The following ADAMTS17 variants were observed in gnomAD, a reference collection of about 807,000 sequenced individuals.
The protein encoded by ADAMTS17 is A disintegrin and metalloproteinase with thrombospondin motifs 17.
Under a neutral mutation model 141.5 loss-of-function variants are expected in ADAMTS17, and 113 were observed. The observed-to-expected ratio is 0.80, with a 90% confidence interval of 0.69 to 0.93. ADAMTS17 has a LOEUF of 0.93. Ranked by LOEUF, ADAMTS17 falls within the 40% of genes least tolerant of loss-of-function variation. The pLI is 0.00. For missense variants in ADAMTS17, 1,659 were observed against 1,517.9 expected, an observed-to-expected ratio of 1.09 and a Z score of -1.54; for synonymous variants, 768 against 630.6, an observed-to-expected ratio of 1.22 and a Z score of -3.27.
chr15:100,188,619 G>A (rs77843652), intron 8 of ADAMTS17, among the ~76,000 whole-genome samples: 12,098 of 152,272 alleles, frequency 0.079, 530 homozygotes, highest in East Asian at 0.12. Context: ...AGCCAAAAAT[G>A]TACCAGGTTT....
At chr15:100,009,540 G>A (rs531410731) in intron 18 of ADAMTS17, among the ~76,000 whole-genome samples, 40 of 152,272 alleles carry the variant, frequency 2.6e-4, no homozygotes, top group African/African-American at 9.4e-4. Flanking sequence ...TTCTTTGTGA[G>A]ATGTTGCTCT....
At chr15:100,099,726 T>C (rs947389398) in intron 14 of ADAMTS17, among the ~76,000 whole-genome samples, 19 of 151,822 alleles carry the variant, frequency 1.3e-4, no homozygotes, top group African/African-American at 4.6e-4. Context: ...CACGGCATAA[T>C]TAAAGGCATG....
At chr15:100,310,248 C>A (rs1282798660) in intron 3 of ADAMTS17, among the ~76,000 whole-genome samples, 1 of 152,172 alleles carries the variant, frequency 6.6e-6, no homozygotes, top group Non-Finnish European at 1.5e-5. Context: ...GCAGGAGACT[C>A]CGAACCTAAG....
intron 3 of ADAMTS17, among the ~76,000 whole-genome samples, chr15:100,285,788 G>C (rs904349168): frequency 2.6e-5 from 4 of 152,160 alleles, no homozygotes; most frequent in Non-Finnish European, 5.9e-5. Flanking sequence ...GGTTTTGCGT[G>C]GGAACAGGTA....
chr15:100,212,286 C>T (rs1180997941), intron 7 of ADAMTS17, among the ~76,000 whole-genome samples: 1 of 152,126 alleles, frequency 6.6e-6, no homozygotes, highest in African/African-American at 2.4e-5. Flanking sequence ...GAGGACTCTG[C>T]CCCCAGGGAA....
intron 18 of ADAMTS17, among the ~76,000 whole-genome samples, chr15:100,020,770 C>T (rs1237730048): frequency 3.9e-5 from 6 of 152,208 alleles, no homozygotes; most frequent in Non-Finnish European, 8.8e-5. Flanking sequence ...AGGCCCAGGG[C>T]GCCCATCCTG....
At chr15:100,176,987 T>C (rs912414739) in intron 8 of ADAMTS17, among the ~76,000 whole-genome samples, 1 of 152,260 alleles carries the variant, frequency 6.6e-6, no homozygotes, top group Non-Finnish European at 1.5e-5. Flanking sequence ...ATGATATGAC[T>C]GTACCACAGA....
intron 4 of ADAMTS17, among the ~76,000 whole-genome samples, chr15:100,279,599 T>C (rs975509488): frequency 6.6e-6 from 1 of 152,244 alleles, no homozygotes; most frequent in African/African-American, 2.4e-5. Flanking sequence ...GCACTCACTG[T>C]GGCCAGAGCT....
At chr15:100,249,383 C>A (rs2043082734) in intron 7 of ADAMTS17, among the ~76,000 whole-genome samples, 3 of 152,342 alleles carry the variant, frequency 2.0e-5, no homozygotes, top group South Asian at 4.1e-4. Context: ...CTTTGGGAAG[C>A]TTTACCCTCA....
At chr15:100,067,949 C>A (rs149109666) in intron 15 of ADAMTS17, among the ~76,000 whole-genome samples, 6 of 152,126 alleles carry the variant, frequency 3.9e-5, no homozygotes, top group African/African-American at 1.4e-4. Context: ...TGAAGCAGGG[C>A]GAGGCATCCC....
chr15:100,100,886 C>G (rs552804894), intron 14 of ADAMTS17, among the ~76,000 whole-genome samples: 1 of 152,248 alleles, frequency 6.6e-6, no homozygotes, highest in African/African-American at 2.4e-5. Flanking sequence ...TCCTCCCCCA[C>G]TCCAGATGCA....
intron 7 of ADAMTS17, among the ~76,000 whole-genome samples, chr15:100,234,768 G>GA (rs1194254662): frequency 1.3e-5 from 2 of 152,170 alleles, no homozygotes; most frequent in Non-Finnish European, 2.9e-5. Context: ...GCCTCTCCGG[G>GA]AAACCTTCCA....
In ADAMTS17 at chr15:100,119,292, C is replaced by T. The variant is rs576672351; in HGVS notation, c.1722-2279G>A. On this transcript the variant is annotated intron_variant, in intron 12 of 21. Coordinates refer to ENST00000268070, the MANE Select transcript of ADAMTS17 (RefSeq NM_139057.4). ...TGGCAGCCCCAGGAAACTAAGGAAC[C>T]GGACGACACAAGGACCAGATGCTCC... 6.1e-4 allele frequency among the ~76,000 whole-genome samples: 93 copies of T among 152,146 alleles called. 1 individual carries two copies. Among genetic ancestry groups the T allele is most frequent in the African/African-American group, 2.1e-3 (89 of 41,518 alleles).
At chr15:100,180,957 C>A (rs1386040398) in intron 8 of ADAMTS17, among the ~76,000 whole-genome samples, 1 of 152,194 alleles carries the variant, frequency 6.6e-6, no homozygotes, top group East Asian at 1.9e-4. Flanking sequence ...AAGAGCCAGG[C>A]ACTGGAGTCA....
At chr15:100,165,497 C>T (rs2039914012) in intron 8 of ADAMTS17, among the ~76,000 whole-genome samples, 1 of 152,190 alleles carries the variant, frequency 6.6e-6, no homozygotes, top group South Asian at 2.1e-4. Context: ...GGGAGGCTCC[C>T]ATTCTCCTTC....
At chr15:100,072,663 T>C (rs957793228) in intron 15 of ADAMTS17, among the ~76,000 whole-genome samples, 9 of 152,144 alleles carry the variant, frequency 5.9e-5, no homozygotes, top group African/African-American at 1.7e-4. Context: ...GGGAAAGGAT[T>C]CCCTATTTAA....
chr15:100,178,392 C>T (rs1454606916), intron 8 of ADAMTS17, among the ~76,000 whole-genome samples: 1 of 152,152 alleles, frequency 6.6e-6, no homozygotes, highest in Non-Finnish European at 1.5e-5. Context: ...CATTTCACCA[C>T]TCTGAGTTAA....
intron 3 of ADAMTS17, among the ~76,000 whole-genome samples, chr15:100,316,553 C>A (rs1234467065): frequency 5.3e-5 from 8 of 152,180 alleles, no homozygotes; most frequent in African/African-American, 1.9e-4. Context: ...TTCCTCTGCC[C>A]TGTCTCTCTC....
Position 100,070,963 on chromosome 15 carries a change from T to C in ADAMTS17, c.2138-16909A>G, listed in dbSNP as rs2033926690. ...ATCCATGAATCCAGGAGATGGATTT[T>C]TGAAAAGATCAACAAAATTGACAGA... On this transcript the variant is annotated intron_variant, in intron 15 of 21. Transcript: ENST00000268070. Among the ~76,000 whole-genome samples the C allele has an allele frequency of 1.3e-5, 2 of 150,150 alleles. 1 individual carries two copies. The highest frequency in any genetic ancestry group is 1.3e-4 in the Admixed American group (2 of 14,986).
Sources: allele counts gnomAD v4.1 joint callset (sites outside exome capture counted in the v4.1 genomes callset), GRCh38; gene constraint gnomAD v4.1.1; transcripts MANE v1.5; gene names NCBI Gene and HGNC (gene_info 2026-07-23, HGNC 2026-07-21).